PCLAF: variants seen among roughly 807,000 people sequenced by gnomAD.
PCLAF encodes the protein PCNA clamp associated factor.
PCLAF carries 12 observed loss-of-function variants against 15.1 expected under a neutral mutation model. That is an observed-to-expected ratio of 0.79 (90% CI 0.51 to 1.29). The LOEUF is 1.29. PCLAF is among the 50% of genes most tolerant of loss of function. PCLAF has a pLI of 0.00. For synonymous variants in PCLAF, 33 were observed against 47.1 expected (o/e 0.70, Z 1.22); for missense variants, 116 against 130.9 (o/e 0.89, Z 0.56).
upstream of PCLAF, among the ~76,000 whole-genome samples, chr15:64,383,631 T>A (rs1336147317): frequency 6.6e-6 from 1 of 152,090 alleles, no homozygotes; most frequent in Non-Finnish European, 1.5e-5. Flanking sequence ...CCTCCCAAAG[T>A]GCTGGGATTA....
chr15:64,379,799 C>G (rs1899752024), intron 2 of PCLAF, among the ~76,000 whole-genome samples: 1 of 152,118 alleles, frequency 6.6e-6, no homozygotes, highest in South Asian at 2.1e-4. Context: ...ACAGAAGGAG[C>G]AGCGTGAAGC....
rs896192697 is a variant in PCLAF, at chr15:64,364,424, C to T, written c.*1606G>A. On this transcript the variant is annotated 3_prime_UTR_variant, in exon 4 of 4. Coordinates refer to ENST00000300035, the MANE Select transcript of PCLAF (RefSeq NM_014736.6). ...AAAAAGGGTGATGAGGAATATTATA[C>T]CCACTTCTTCAATTATACCTCTGGT... The T allele has an allele frequency of 6.6e-6, 1 of 152,116 alleles. No homozygotes were observed. Among genetic ancestry groups the T allele is most frequent in the African/African-American group, 2.4e-5 (1 of 41,410 alleles). The allele number at this position is 152,116 out of a possible 1,614,324, so 9.4% of individuals were successfully genotyped here. A position where few individuals can be genotyped will look rare whatever the true frequency, so the allele number is the denominator to read the frequency against.
chr15:64,383,242 A>T (rs1899868695), upstream of PCLAF, among the ~76,000 whole-genome samples: 1 of 152,232 alleles, frequency 6.6e-6, no homozygotes, highest in African/African-American at 2.4e-5. Context: ...AATTACCTGT[A>T]GTTTTGTCTT....
intron 3 of PCLAF, among the ~76,000 whole-genome samples, chr15:64,370,829 GTTTT>G (rs10607183): frequency 0.12 from 10,344 of 86,272 alleles, 401 homozygotes; most frequent in East Asian, 0.38. Flanking sequence ...TCATAAAGTT[GTTTT>G]TTTTTTTTTT....
In PCLAF at chr15:64,364,993, A is replaced by ATTT. The variant is rs34471598; in HGVS notation, c.*1034_*1036dup. ...GCCACTGCACTCAGCCTTTTTTAAA[A>ATTT]TTTTTTTTTTTTTTTTTTTTGAGAC... is the stretch of plus-strand genomic sequence containing the variant. On this transcript the variant is annotated 3_prime_UTR_variant, in exon 4 of 4. Coordinates refer to ENST00000300035, the MANE Select transcript of PCLAF (RefSeq NM_014736.6). The ATTT allele has an allele frequency of 1.2e-3, 135 of 117,234 alleles. No homozygotes were observed. The highest frequency in any genetic ancestry group is 0.011 in the Middle Eastern group (2 of 184). The allele number at this position is 117,234 out of a possible 1,614,324, so 7.3% of individuals were successfully genotyped here. A position where few individuals can be genotyped will look rare whatever the true frequency, so the allele number is the denominator to read the frequency against.
At chr15:64,384,577 T>TA (rs1252870737), upstream of PCLAF, among the ~76,000 whole-genome samples, 1 of 151,020 alleles carries the variant, frequency 6.6e-6, no homozygotes, top group African/African-American at 2.4e-5. Flanking sequence ...ACCCCATCTC[T>TA]ACAAAAATAC....
At chr15:64,367,774 TCTTAA>T (rs2140517360) in intron 3 of PCLAF, among the ~76,000 whole-genome samples, 1 of 151,912 alleles carries the variant, frequency 6.6e-6, no homozygotes, top group African/African-American at 2.4e-5. Flanking sequence ...GGTCTTGGTC[TCTTAA>T]CTTCATAATC....
intron 3 of PCLAF, among the ~76,000 whole-genome samples, chr15:64,376,444 G>A (rs911990278): frequency 3.3e-5 from 5 of 151,976 alleles, no homozygotes; most frequent in African/African-American, 1.2e-4. Context: ...GGGCAGTGGC[G>A]TGAAAATGAG....
chr15:64,385,041 C>A (rs1226237320), upstream of PCLAF, among the ~76,000 whole-genome samples: 5 of 151,882 alleles, frequency 3.3e-5, no homozygotes, highest in Non-Finnish European at 1.5e-5. Flanking sequence ...GAGCTTGCCA[C>A]CACACCTAGC....
chr15:64,381,441 G>C lies in PCLAF; in HGVS notation c.-70C>G. 6.2e-7 allele frequency: 1 copy of C among 1,610,922 alleles called. No homozygotes were observed. The highest frequency in any genetic ancestry group is 8.5e-7 in the Non-Finnish European group (1 of 1,178,168). On this transcript the variant is annotated 5_prime_UTR_variant, in exon 1 of 4. Transcript: ENST00000300035. ...AGCCGAGGGTGTTTCACTGGACAAG[G>C]ACCCGAAAACTATCCCGCCACAGTT...
At chr15:64,368,516 C>A (rs993580066) in intron 3 of PCLAF, among the ~76,000 whole-genome samples, 1 of 152,144 alleles carries the variant, frequency 6.6e-6, no homozygotes, top group African/African-American at 2.4e-5. Context: ...TTCCTTGATT[C>A]TGACTCTTCC....
chr15:64,381,497 G>A, upstream of PCLAF: 1 of 1,577,050 alleles, frequency 6.3e-7, no homozygotes, highest in Admixed American at 1.8e-5. Flanking sequence ...GCGCTCCAAG[G>A]TCTCTCCCGA....
chr15:64,368,788 T>C (rs1384306009), intron 3 of PCLAF, among the ~76,000 whole-genome samples: 2 of 152,166 alleles, frequency 1.3e-5, no homozygotes, highest in African/African-American at 4.8e-5. Context: ...AATACATGTG[T>C]AATCTCTTTT....
In PCLAF at chr15:64,366,095, C is replaced by T. The variant is rs1899017584; in HGVS notation, c.291-20G>A. On this transcript the variant is annotated intron_variant, in intron 3 of 3. Coordinates refer to ENST00000300035, the MANE Select transcript of PCLAF (RefSeq NM_014736.6). ...CATGCTCTGTGAAAAGAAGAGAGAACATCAATAGCCATCCAAGTATCAACT... is the reference window on the plus strand; with the variant it reads ...CATGCTCTGTGAAAAGAAGAGAGAATATCAATAGCCATCCAAGTATCAACT... The T allele has an allele frequency of 1.9e-6, 3 of 1,583,874 alleles. No individual in the cohort carries two copies. The South Asian group carries it at 3.4e-5, about 18-fold the overall frequency.
chr15:64,370,092 T>C (rs76420963), intron 3 of PCLAF, among the ~76,000 whole-genome samples: 3 of 151,676 alleles, frequency 2.0e-5, no homozygotes, highest in African/African-American at 7.3e-5. Context: ...TTTTTTTTTT[T>C]AATAGAAACA....
intron 3 of PCLAF, among the ~76,000 whole-genome samples, chr15:64,375,276 C>T (rs1899562884): frequency 6.6e-6 from 1 of 152,038 alleles, no homozygotes; most frequent in African/African-American, 2.4e-5. Context: ...AGGCACGTGC[C>T]ACCACGCCCG....
chr15:64,372,090 C>T (rs8033194), intron 3 of PCLAF, among the ~76,000 whole-genome samples: 143,908 of 152,020 alleles, frequency 0.95, 68,544 homozygotes, highest in East Asian at 1. Context: ...ATTTGACATA[C>T]ACAAAGATAA....
intron 3 of PCLAF, among the ~76,000 whole-genome samples, chr15:64,370,455 C>T (rs1596321837): frequency 1.3e-5 from 2 of 151,362 alleles, no homozygotes; most frequent in South Asian, 4.2e-4. Context: ...GCAACCTCCG[C>T]CTCCCGAGTT....
At chr15:64,367,619 C>T (rs1453018964) in intron 3 of PCLAF, among the ~76,000 whole-genome samples, 1 of 151,930 alleles carries the variant, frequency 6.6e-6, no homozygotes. Flanking sequence ...GCGATCTCAG[C>T]TCACTGCAAC....
Sources: gnomAD v4.1 joint callset for allele counts (sites outside exome capture counted in the v4.1 genomes callset) on GRCh38, gnomAD v4.1.1 for gene constraint, MANE v1.5 for transcripts, NCBI Gene and HGNC (gene_info 2026-07-23, HGNC 2026-07-21) for gene names.